The following ROCK2 variants were observed in gnomAD, a reference collection of about 807,000 sequenced individuals.
ROCK2 encodes the protein rho-associated protein kinase 2.
A neutral mutation model predicts 195.1 loss-of-function variants in ROCK2; 61 were observed. The ratio of observed to expected loss-of-function variants is 0.31; its 90% CI spans 0.25 to 0.39. ROCK2 has a LOEUF of 0.39. Among genes scored for constraint, ROCK2 ranks in the 10% least tolerant of loss-of-function variants. ROCK2 has a pLI of 1.00. For missense variants in ROCK2, 1,109 were observed against 1,637.4 expected (o/e 0.68, Z 5.57); for synonymous variants, 504 against 545.5 (o/e 0.92, Z 1.06).
At chr2:11,298,901 A>G (rs1220894557) in intron 1 of ROCK2, among the ~76,000 whole-genome samples, 1 of 152,176 alleles carries the variant, frequency 6.6e-6, no homozygotes, top group Non-Finnish European at 1.5e-5. Context: ...AGAATTTGAT[A>G]TATCACTATA....
intron 3 of ROCK2, among the ~76,000 whole-genome samples, chr2:11,257,604 G>A (rs1408270243): frequency 6.6e-6 from 1 of 151,196 alleles, no homozygotes; most frequent in Non-Finnish European, 1.5e-5. Context: ...GATATTCTTG[G>A]ATCATTCCAG....
intron 32 of ROCK2, chr2:11,184,559 C>T (rs1663121059): frequency 2.4e-6 from 2 of 841,298 alleles, no homozygotes; most frequent in Non-Finnish European, 2.9e-6. Context: ...TAACTATATA[C>T]TATTAAAAAC....
chr2:11,269,846 G>C (rs1572339481), intron 3 of ROCK2, among the ~76,000 whole-genome samples: 1 of 152,118 alleles, frequency 6.6e-6, no homozygotes, highest in Non-Finnish European at 1.5e-5. Context: ...GACCTCCCAG[G>C]CTCAAGCAAT....
chr2:11,213,554 C>A (rs968830595), intron 17 of ROCK2, among the ~76,000 whole-genome samples: 3 of 68,492 alleles, frequency 4.4e-5, no homozygotes, highest in African/African-American at 1.1e-4. Context: ...GACCATATAA[C>A]CCACAGAAGA....
At chr2:11,279,170 A>T (rs1666921777) in intron 3 of ROCK2, among the ~76,000 whole-genome samples, 1 of 152,210 alleles carries the variant, frequency 6.6e-6, no homozygotes, top group Non-Finnish European at 1.5e-5. Context: ...ATATGGTAAT[A>T]TTAATTCAGC....
chr2:11,329,100 CA>C (rs5829299), intron 1 of ROCK2, among the ~76,000 whole-genome samples: 37 of 149,906 alleles, frequency 2.5e-4, no homozygotes, highest in African/African-American at 8.1e-4. Context: ...AAAAAAGAAA[CA>C]AAAAAAAATA....
rs529433599 is a variant in ROCK2, at chr2:11,211,364, T to G, written c.2203+317A>C. 2.6e-5 allele frequency among the ~76,000 whole-genome samples: 4 copies of G among 152,190 alleles called. No individual in the cohort carries two copies. In the East Asian group the frequency reaches 7.7e-4, roughly 29 times the overall value. ...CGTGTGAAGTTCAGATATTCCTTCT[T>G]ACTACTGATACACGTATACCGAGTG... On this transcript the variant is annotated intron_variant, in intron 18 of 32. Coordinates refer to ENST00000315872, the MANE Select transcript of ROCK2 (RefSeq NM_004850.5).
intron 1 of ROCK2, among the ~76,000 whole-genome samples, chr2:11,294,260 A>G (rs1185385255): frequency 6.6e-6 from 1 of 152,230 alleles, no homozygotes; most frequent in African/African-American, 2.4e-5. Flanking sequence ...TCAAGGTTTT[A>G]GAAGAATTAA....
intron 1 of ROCK2, among the ~76,000 whole-genome samples, chr2:11,305,167 G>A (rs538667388): frequency 6.6e-6 from 1 of 152,334 alleles, no homozygotes; most frequent in Admixed American, 6.5e-5. Flanking sequence ...ACTGAGGTCA[G>A]GAGTTCGAGA....
intron 3 of ROCK2, among the ~76,000 whole-genome samples, chr2:11,257,321 G>A (rs934933758): frequency 6.6e-6 from 1 of 151,352 alleles, no homozygotes; most frequent in Non-Finnish European, 1.5e-5. Flanking sequence ...CGGCAGAGGC[G>A]GTGCTGGCAG....
In ROCK2 at chr2:11,235,658, C is replaced by T; in HGVS notation, c.723+44G>A. On this transcript the variant is annotated intron_variant, in intron 5 of 32. Transcript: ENST00000315872. The surrounding 1 kb of genome is among the most constrained non-coding windows in gnomAD (Gnocchi z 4.2). ...CTGACTTAAAGTATTTCATTTATTT[C>T]TGTCCCTCAAAACACTATCGTTTTA... 1 of 1,544,914 alleles carries T rather than the reference C, an allele frequency of 6.5e-7. No individual in the cohort carries two copies. Among genetic ancestry groups the T allele is most frequent in the Non-Finnish European group, 8.7e-7 (1 of 1,145,452 alleles).
In ROCK2 at chr2:11,344,490, C is replaced by T; in HGVS notation, c.-354G>A. The T allele has an allele frequency of 1.0e-6, 1 of 993,734 alleles. No homozygotes were observed. The highest frequency in any genetic ancestry group is 1.2e-6 in the Non-Finnish European group (1 of 835,936). 61.6% of individuals were successfully genotyped at this position (993,734 alleles called of 1,614,324 possible). ...GGCGCCGCCACCGCCGCGGCCCGGA[C>T]CGCCCCGCCCTCTGGGGCCCCGGGA... On this transcript the variant is annotated 5_prime_UTR_variant, in exon 1 of 33. Transcript: ENST00000315872. The surrounding 1 kb of genome is among the most constrained non-coding windows in gnomAD (Gnocchi z 5.4).
At chr2:11,227,121 T>G in intron 6 of ROCK2, 133 bp downstream of exon 6, 1 of 774,132 alleles carries the variant, frequency 1.3e-6, no homozygotes, top group Non-Finnish European at 2.1e-6. Flanking sequence ...CAGATACTAC[T>G]AATTCAAAGT....
At chr2:11,295,450 T>C (rs1667482454) in intron 1 of ROCK2, among the ~76,000 whole-genome samples, 1 of 152,062 alleles carries the variant, frequency 6.6e-6, no homozygotes, top group African/African-American at 2.4e-5. Context: ...ATCCAGGATA[T>C]AACACATACA....
At position 11,249,645 on chromosome 2, in the gene ROCK2, A is replaced by G; in HGVS notation, c.462+16T>C. Reference sequence around the variant, plus strand: ...ATAAAAAAAGGAAATAAACTTATAAAAGTTAGTATGCTTACCTGAACCACC... The same window carrying G: ...ATAAAAAAAGGAAATAAACTTATAAGAGTTAGTATGCTTACCTGAACCACC... On this transcript the variant is annotated intron_variant, in intron 4 of 32. Coordinates refer to ENST00000315872, the MANE Select transcript of ROCK2 (RefSeq NM_004850.5). 6.9e-7 allele frequency: 1 copy of G among 1,450,338 alleles called. No homozygotes were observed. 89.8% of individuals were successfully genotyped at this position (1,450,338 alleles called of 1,614,324 possible).
chr2:11,273,274 A>G (rs1324469374), intron 3 of ROCK2, among the ~76,000 whole-genome samples: 1 of 152,190 alleles, frequency 6.6e-6, no homozygotes, highest in African/African-American at 2.4e-5. Flanking sequence ...TCCATAAGAT[A>G]ATCACTTTAG....
chr2:11,239,494 A>G (rs1458136642), intron 4 of ROCK2, among the ~76,000 whole-genome samples: 2 of 152,238 alleles, frequency 1.3e-5, no homozygotes, highest in Non-Finnish European at 2.9e-5. Flanking sequence ...ACATAAATGT[A>G]GCAAACAATC....
Position 11,193,788 on chromosome 2 carries a change from C to A in ROCK2, c.3678G>T (p.Arg1226Ser). 1 of 1,582,212 alleles carries A rather than the reference C, an allele frequency of 6.3e-7. No homozygotes were observed. Among genetic ancestry groups the A allele is most frequent in the Non-Finnish European group, 8.6e-7 (1 of 1,160,918 alleles). ...ACAAAACTATGTTTACCTGGAATATCCTTGGAATTTCTTTAGCATCTGCTC... is the reference window on the plus strand; with the variant it reads ...ACAAAACTATGTTTACCTGGAATATACTTGGAATTTCTTTAGCATCTGCTC... ...VYRADAKEIP[R>S]IFQILYANEG... The change falls in exon 30 of 33, where the codon AGG becomes AGT. Residue 1226 changes from arginine to serine, a missense_variant. Physicochemically the swap from Arg to Ser is moderately radical, Grantham distance 110. This residue lies in a region of ROCK2 where 221 missense variants were observed against 355.1 expected (regional missense o/e 0.62). Transcript: ENST00000315872.
intron 32 of ROCK2, among the ~76,000 whole-genome samples, chr2:11,187,296 T>C (rs765030719): frequency 8.5e-5 from 13 of 152,212 alleles, no homozygotes; most frequent in Non-Finnish European, 1.8e-4. Flanking sequence ...CCCAACGTTG[T>C]AAACAGCGTG....
Sources: gnomAD v4.1 joint callset for allele counts (sites outside exome capture counted in the v4.1 genomes callset) on GRCh38, gnomAD v4.1.1 for gene constraint, gnomAD v4.1.1 regional missense constraint, Gnocchi (gnomAD v3.1) non-coding constraint, MANE v1.5 for transcripts, NCBI Gene and HGNC (gene_info 2026-07-23, HGNC 2026-07-21) for gene names.